Variants in GRIA1 observed in about 807,000 individuals in gnomAD.
GRIA1 encodes glutamate ionotropic receptor AMPA type subunit 1, also known as glutamate receptor 1.
A neutral mutation model predicts 99.2 loss-of-function variants in GRIA1; 31 were observed. The ratio of observed to expected loss-of-function variants is 0.31; its 90% CI spans 0.23 to 0.42. GRIA1 has a LOEUF of 0.42. Among genes scored for constraint, GRIA1 ranks in the 10% least tolerant of loss-of-function variants. The pLI is 1.00. For missense variants in GRIA1, 782 were observed against 1,157.5 expected, an observed-to-expected ratio of 0.68 and a Z score of 4.71; for synonymous variants, 438 against 432.4, an observed-to-expected ratio of 1.01 and a Z score of -0.16.
At chr5:153,794,595 C>A in intron 13 of GRIA1, 26 bp from the exon 14 acceptor site, 1 of 1,427,552 alleles carries the variant, frequency 7.0e-7, no homozygotes, top group Non-Finnish European at 9.9e-7. Context: ...TGTTACTCAT[C>A]GAGTGTTATT....
At chr5:153,568,105 A>G (rs1268954867) in intron 2 of GRIA1, among the ~76,000 whole-genome samples, 3 of 152,204 alleles carry the variant, frequency 2.0e-5, no homozygotes, top group African/African-American at 7.2e-5. Flanking sequence ...CCAAGTCTCC[A>G]GGCTAGTAAG....
chr5:153,665,814 A>G (rs1755704215), intron 5 of GRIA1, among the ~76,000 whole-genome samples: 2 of 152,198 alleles, frequency 1.3e-5, no homozygotes, highest in Admixed American at 1.3e-4. Flanking sequence ...TATGGTGGAA[A>G]AGAGAGGGTG....
At position 153,742,429 on chromosome 5, in the gene GRIA1, C is replaced by T. The variant is rs113813228; in HGVS notation, c.1824-22005C>T. Among the ~76,000 whole-genome samples, 516 of 152,250 alleles carry T rather than the reference C, an allele frequency of 3.4e-3. 5 individuals are homozygous for T. The highest frequency in any genetic ancestry group is 0.012 in the African/African-American group (489 of 41,546). On this transcript the variant is annotated intron_variant, in intron 11 of 15. Coordinates refer to ENST00000285900, the MANE Select transcript of GRIA1 (RefSeq NM_000827.4). ...CCATAACAGAACTTAAATCTTACAG[C>T]GGCTTAAAACAAAACAAATATATTA...
intron 2 of GRIA1, among the ~76,000 whole-genome samples, chr5:153,568,181 T>C (rs1415978998): frequency 6.6e-6 from 1 of 152,208 alleles, no homozygotes; most frequent in African/African-American, 2.4e-5. Flanking sequence ...AGGATTGCAA[T>C]TGGCCGTTAC....
rs1040189362 is a variant in GRIA1 at position 153,612,921 on chromosome 5, G to GA, written c.221-33995dup. On this transcript the variant is annotated intron_variant, in intron 2 of 15. Coordinates refer to ENST00000285900, the MANE Select transcript of GRIA1 (RefSeq NM_000827.4). ...CTTAAATCTTAGGCTCACTCAGCTG[G>GA]AAAAAAAAAAAAGAAATCTGGGTTT... Among the ~76,000 whole-genome samples the GA allele has an allele frequency of 9.3e-3, 1,311 of 141,558 alleles. 8 individuals are homozygous for GA. Among genetic ancestry groups the GA allele is most frequent in the African/African-American group, 0.017 (655 of 38,628 alleles). 92.9% of individuals were successfully genotyped at this position (141,558 alleles called of 152,430 possible).
chr5:153,699,944 C>T (rs1758396756), intron 10 of GRIA1, among the ~76,000 whole-genome samples: 1 of 152,110 alleles, frequency 6.6e-6, no homozygotes, highest in Admixed American at 6.5e-5. Flanking sequence ...CATCTTTTAA[C>T]ATTTTATGGG....
chr5:153,780,078 G>A (rs573443800), intron 13 of GRIA1, among the ~76,000 whole-genome samples: 1 of 152,158 alleles, frequency 6.6e-6, no homozygotes, highest in Admixed American at 6.5e-5. Context: ...TACACAAATT[G>A]CATGTTGCTT....
intron 11 of GRIA1, among the ~76,000 whole-genome samples, chr5:153,723,383 C>T (rs972948600): frequency 4.6e-5 from 7 of 152,204 alleles, no homozygotes; most frequent in African/African-American, 1.7e-4. Flanking sequence ...GAGTGCCAGA[C>T]AGTGGGCGCA....
At chr5:153,704,775 G>C (rs987451959) in intron 10 of GRIA1, among the ~76,000 whole-genome samples, 4 of 152,024 alleles carry the variant, frequency 2.6e-5, no homozygotes, top group African/African-American at 7.2e-5. Flanking sequence ...CCCTATCTCC[G>C]CAGCCAGAAT....
chr5:153,783,513 A>G (rs867141827), intron 13 of GRIA1, among the ~76,000 whole-genome samples: 1 of 152,298 alleles, frequency 6.6e-6, no homozygotes. Context: ...TGTCTCTAGA[A>G]TTCCTGTTGG....
At chr5:153,789,348 A>G (rs1186559994) in intron 13 of GRIA1, among the ~76,000 whole-genome samples, 4 of 150,074 alleles carry the variant, frequency 2.7e-5, no homozygotes, top group Non-Finnish European at 5.9e-5. Context: ...TCCTACATAT[A>G]TGATATAAAT....
At chr5:153,591,926 AACTGT>A (rs1764006039) in intron 2 of GRIA1, among the ~76,000 whole-genome samples, 1 of 152,250 alleles carries the variant, frequency 6.6e-6, no homozygotes. Flanking sequence ...AACATGCTTT[AACTGT>A]ACCCGGAAGA....
intron 7 of GRIA1, among the ~76,000 whole-genome samples, 170 bp downstream of exon 7, chr5:153,677,331 A>AT (rs150898364): frequency 4.2e-5 from 5 of 117,956 alleles, no homozygotes; most frequent in African/African-American, 2.0e-4. Context: ...AAGCTCATAT[A>AT]AAAAAAAAAT....
chr5:153,496,232 TACAGACAATGTTGTTCATTTTGGTCA>T (rs1285787237), intron 2 of GRIA1, among the ~76,000 whole-genome samples: 2 of 152,256 alleles, frequency 1.3e-5, no homozygotes, highest in African/African-American at 4.8e-5. Context: ...AGAAATATGA[TACAGACAATGTTGTTCATTTTGGTCA>T]ACAGGCCTGG....
At chr5:153,681,372 A>T (rs937827840) in intron 7 of GRIA1, among the ~76,000 whole-genome samples, 2 of 152,206 alleles carry the variant, frequency 1.3e-5, no homozygotes, top group Admixed American at 6.5e-5. Context: ...AGGGACAAAT[A>T]TCCAAACTAT....
At chr5:153,646,870 G>A (rs1754189627) in intron 2 of GRIA1, 58 bp from the exon 3 acceptor site, 1 of 1,581,194 alleles carries the variant, frequency 6.3e-7, no homozygotes, top group Non-Finnish European at 8.6e-7. Context: ...ATTCATTTTG[G>A]AGTCATCTGA....
intron 13 of GRIA1, among the ~76,000 whole-genome samples, chr5:153,792,354 T>C (rs558898238): frequency 2.0e-5 from 3 of 152,214 alleles, no homozygotes. Context: ...GTGAGGACTT[T>C]ATTTCTAATA....
chr5:153,494,500 A>C (rs1483601155), intron 2 of GRIA1, among the ~76,000 whole-genome samples: 1 of 152,214 alleles, frequency 6.6e-6, no homozygotes, highest in Non-Finnish European at 1.5e-5. Context: ...GATAAGAAAT[A>C]ATAGCTGAGA....
intron 2 of GRIA1, among the ~76,000 whole-genome samples, chr5:153,536,224 C>T (rs1169693706): frequency 1.3e-5 from 2 of 152,152 alleles, no homozygotes; most frequent in Non-Finnish European, 2.9e-5. Context: ...TCTGACCAAA[C>T]TCAATTTGCC....
Sources: allele counts gnomAD v4.1 joint callset (sites outside exome capture counted in the v4.1 genomes callset), GRCh38; gene constraint gnomAD v4.1.1; transcripts MANE v1.5; gene names NCBI Gene and HGNC (gene_info 2026-07-23, HGNC 2026-07-21).